Variants in CNTROB observed in about 807,000 individuals in gnomAD.
CNTROB encodes centrobin, centriole duplication and spindle assembly protein.
CNTROB carries 82 observed loss-of-function variants against 115.7 expected under a neutral mutation model. That is an observed-to-expected ratio of 0.71 (90% CI 0.59 to 0.85). The LOEUF is 0.85. CNTROB is among the 40% of genes least tolerant of loss of function. CNTROB has a pLI of 0.00. For synonymous variants in CNTROB, 439 were observed against 456.4 expected (o/e 0.96, Z 0.49); for missense variants, 1,014 against 1,144.4 (o/e 0.89, Z 1.64).
At chr17:7,934,344 G>C in intron 2 of CNTROB, 121 bp from the exon 3 acceptor site, 2 of 1,330,324 alleles carry the variant, frequency 1.5e-6, no homozygotes, top group Middle Eastern at 3.7e-4. Flanking sequence ...AAAGTCTCCC[G>C]TTCTTTGGGA....
Position 7,939,583 on chromosome 17 carries a change from A to T in CNTROB, c.998A>T (p.Glu333Val). The change falls in exon 8 of 19, where the codon GAG (glutamate) becomes GTG (valine). Residue 333 changes from glutamate to valine, a missense_variant. Transcript: ENST00000563694. This position sits in a 1 kb window ranked among gnomAD's most constrained non-coding sequence, Gnocchi z 4.4. ...CAGCGGTGCTGTGTCCTGCAGGAAG[A>T]GCGGGATGCAGCTCGGGCTGGGCAA... ...EQQRCCVLQEERDAARAGQLS... is the reference protein window; with the variant it reads ...EQQRCCVLQEVRDAARAGQLS... The T allele has an allele frequency of 4.3e-6, 7 of 1,614,114 alleles. No homozygotes were observed. Among genetic ancestry groups the T allele is most frequent in the Non-Finnish European group, 5.1e-6 (6 of 1,180,010 alleles).
At chr17:7,936,011 A>G (rs1468169262) in intron 4 of CNTROB, 1 of 214,992 alleles carries the variant, frequency 4.7e-6, no homozygotes, top group Non-Finnish European at 9.4e-6. Flanking sequence ...TGCTGTGTTT[A>G]TTCATTGTGT....
chr17:7,949,615 G>A lies in CNTROB; in HGVS notation c.*105G>A. 7.5e-6 allele frequency: 9 copies of A among 1,194,276 alleles called. No homozygotes were observed. Among genetic ancestry groups the A allele is most frequent in the African/African-American group, 1.6e-5 (1 of 64,428 alleles). The allele number at this position is 1,194,276 out of a possible 1,614,324, so 74.0% of individuals were successfully genotyped here. On this transcript the variant is annotated 3_prime_UTR_variant, in exon 19 of 19. Transcript: ENST00000563694. ...GGCTCATAGGAATTTGGAAAATAGA[G>A]GTTTTGTAGGGAATCACTTCGTAAA...
At chr17:7,938,230 C>T (rs1414172910) in intron 7 of CNTROB, among the ~76,000 whole-genome samples, 1 of 152,112 alleles carries the variant, frequency 6.6e-6, no homozygotes, top group Non-Finnish European at 1.5e-5. Context: ...GTCTCAAACT[C>T]CTGACCTCAA....
At chr17:7,937,097 T>G in intron 6 of CNTROB, 67 bp from the exon 7 acceptor site, 1 of 1,590,088 alleles carries the variant, frequency 6.3e-7, no homozygotes, top group Non-Finnish European at 8.6e-7. Flanking sequence ...TTGTCAATGC[T>G]TTATAAAATA....
chr17:7,948,771 T>G lies in CNTROB; in HGVS notation c.2513+152T>G. On this transcript the variant is annotated intron_variant, in intron 17 of 18. Coordinates refer to ENST00000563694, the MANE Select transcript of CNTROB (RefSeq NM_053051.5). This position sits in a 1 kb window ranked among gnomAD's most constrained non-coding sequence, Gnocchi z 4.4. ...GGTGGATCCACAGATCTTCTCTAAC[T>G]GCCCCACACTTTTCTTTTATCTCCT... 1 of 1,564,506 alleles carries G rather than the reference T, an allele frequency of 6.4e-7. No homozygotes were observed. Among genetic ancestry groups the G allele is most frequent in the Non-Finnish European group, 8.7e-7 (1 of 1,151,832 alleles).
At position 7,943,733 on chromosome 17, in the gene CNTROB, A is replaced by G. The variant is rs182025685; in HGVS notation, c.1445+209A>G. 2.9e-5 allele frequency: 17 copies of G among 578,400 alleles called. No homozygotes were observed. Among genetic ancestry groups the G allele is most frequent in the Admixed American group, 2.2e-4 (7 of 31,778 alleles). 35.8% of individuals were successfully genotyped at this position (578,400 alleles called of 1,614,324 possible). On this transcript the variant is annotated intron_variant, in intron 10 of 18. Coordinates refer to ENST00000563694, the MANE Select transcript of CNTROB (RefSeq NM_053051.5). This position sits in a 1 kb window ranked among gnomAD's most constrained non-coding sequence, Gnocchi z 4.7. ...AGAAGTGCCTGGGAATTTTCATCCC[A>G]TAGGGAGTAGCCCTTAACCAAGAAC...
chr17:7,946,255 G>A (rs1201662377), intron 13 of CNTROB, among the ~76,000 whole-genome samples: 2 of 152,184 alleles, frequency 1.3e-5, no homozygotes, highest in Non-Finnish European at 2.9e-5. Context: ...CCTTTTCTGT[G>A]GGCCTGCATA....
chr17:7,948,518 G>A lies in CNTROB; in HGVS notation c.2412G>A (p.Leu804=). The A allele has an allele frequency of 6.2e-7, 1 of 1,614,128 alleles. No individual in the cohort carries two copies. Among genetic ancestry groups the A allele is most frequent in the Non-Finnish European group, 8.5e-7 (1 of 1,180,006 alleles). The part of the protein sequence containing the change: ...GGDGLTFPRQ[L]MEVSQLLRLY... ...ATGGGCTTACATTCCCAAGGCAGCTGATGGAGGTGTCTCAACTGTTGCGAC... is the reference window on the plus strand; with the variant it reads ...ATGGGCTTACATTCCCAAGGCAGCTAATGGAGGTGTCTCAACTGTTGCGAC... The change falls in exon 17 of 19, where the codon CTG becomes CTA. Residue 804 remains leucine, a synonymous_variant. Transcript: ENST00000563694. The surrounding 1 kb of genome is among the most constrained non-coding windows in gnomAD (Gnocchi z 4.4).
In CNTROB at chr17:7,944,676, T is replaced by G. The variant is rs1165550105; in HGVS notation, c.1734+38T>G. On this transcript the variant is annotated intron_variant, in intron 12 of 18. Transcript: ENST00000563694. The surrounding 1 kb of genome is among the most constrained non-coding windows in gnomAD (Gnocchi z 4.0). Reference sequence around the variant, plus strand: ...CCTTGAGCTAAGCTTCTCCGTTATGTTCTATTTTTATTTTTATTTTTGAGA... The same window carrying G: ...CCTTGAGCTAAGCTTCTCCGTTATGGTCTATTTTTATTTTTATTTTTGAGA... 1 of 1,568,230 alleles carries G rather than the reference T, an allele frequency of 6.4e-7. No homozygotes were observed. The highest frequency in any genetic ancestry group is 8.7e-7 in the Non-Finnish European group (1 of 1,155,768).
chr17:7,947,607 A>G lies in CNTROB; in HGVS notation c.2030A>G (p.Asp677Gly), dbSNP rs748117352. 3.1e-6 allele frequency: 5 copies of G among 1,612,974 alleles called. No individual in the cohort carries two copies. Among genetic ancestry groups the G allele is most frequent in the Non-Finnish European group, 4.2e-6 (5 of 1,179,190 alleles). ...TCTGCACTTGGGGCCTTCCATCCCG[A>G]TCATAGGGCAGAAAGGCCATTCCCT... ...AFSALGAFHP[D>G]HRAERPFPEE... The change falls in exon 14 of 19, where the codon GAT becomes GGT. Residue 677 changes from aspartate (D) to glycine (G), a missense_variant. Physicochemically the swap from Asp to Gly is moderately conservative, Grantham distance 94. Coordinates refer to ENST00000563694, the MANE Select transcript of CNTROB (RefSeq NM_053051.5).
In CNTROB at chr17:7,944,378, G is replaced by A. The variant is rs763059977; in HGVS notation, c.1572-98G>A. On this transcript the variant is annotated intron_variant, in intron 11 of 18. Coordinates refer to ENST00000563694, the MANE Select transcript of CNTROB (RefSeq NM_053051.5). This position sits in a 1 kb window ranked among gnomAD's most constrained non-coding sequence, Gnocchi z 4.0. The stretch of plus-strand genomic sequence containing the variant: ...TCTACATGGGCCCCAGCTCCTTTCA[G>A]AATATCAGATGTCCAACATTTCCCT... 17 of 1,571,498 alleles carry A rather than the reference G, an allele frequency of 1.1e-5. No homozygotes were observed. Among genetic ancestry groups the A allele is most frequent in the Admixed American group, 1.7e-5 (1 of 58,590 alleles).
In CNTROB at chr17:7,937,187, C is replaced by A; in HGVS notation, c.852C>A (p.Ser284Arg). ...AGACAGTAACCCGCCTGGAACAAAG[C>A]CTTTCTGAGGCCATGGAGGCCCTGA... The part of the protein sequence containing the change: ...QQETVTRLEQ[S>R]LSEAMEALNR... Residue 284 changes from serine to arginine, a missense_variant, in exon 7 of 19, where the codon AGC (serine) becomes AGA (arginine). Ser to Arg is a moderately radical substitution (Grantham distance 110). Transcript: ENST00000563694. 1 of 1,614,158 alleles carries A rather than the reference C, an allele frequency of 6.2e-7. No individual in the cohort carries two copies. The highest frequency in any genetic ancestry group is 1.3e-5 in the African/African-American group (1 of 75,050).
chr17:7,939,969 A>T lies in CNTROB; in HGVS notation c.1165-127A>T. The T allele has an allele frequency of 8.2e-7, 1 of 1,220,980 alleles. No individual in the cohort carries two copies. Among genetic ancestry groups the T allele is most frequent in the Non-Finnish European group, 1.1e-6 (1 of 877,690 alleles). The allele number at this position is 1,220,980 out of a possible 1,614,324, so 75.6% of individuals were successfully genotyped here. On this transcript the variant is annotated intron_variant, in intron 8 of 18. Coordinates refer to ENST00000563694, the MANE Select transcript of CNTROB (RefSeq NM_053051.5). This position sits in a 1 kb window ranked among gnomAD's most constrained non-coding sequence, Gnocchi z 4.4. Reference sequence around the variant, plus strand: ...AGACTGAAATTCAACAGGGATGGGGAAATAAAACAAATGGGAGGAGCTGGG... The same window carrying T: ...AGACTGAAATTCAACAGGGATGGGGTAATAAAACAAATGGGAGGAGCTGGG...
In CNTROB at chr17:7,943,609, C is replaced by T. The variant is rs898627281; in HGVS notation, c.1445+85C>T. On this transcript the variant is annotated intron_variant, in intron 10 of 18. Transcript: ENST00000563694. This position sits in a 1 kb window ranked among gnomAD's most constrained non-coding sequence, Gnocchi z 4.7. ...GCCTGTGTTCCCTTCAATCCCTTTG[C>T]CATGGTCCAGCACTGTGACTCCCAG... The T allele has an allele frequency of 1.4e-6, 2 of 1,449,606 alleles. No homozygotes were observed. Among genetic ancestry groups the T allele is most frequent in the Non-Finnish European group, 1.9e-6 (2 of 1,067,010 alleles). The allele number at this position is 1,449,606 out of a possible 1,614,324, so 89.8% of individuals were successfully genotyped here.
rs1164270702 is a variant in CNTROB, at chr17:7,932,346, C to T, written c.-734C>T. 1 of 165,066 alleles carries T rather than the reference C, an allele frequency of 6.1e-6. No individual in the cohort carries two copies. Among genetic ancestry groups the T allele is most frequent in the Non-Finnish European group, 1.3e-5 (1 of 75,540 alleles). The allele number at this position is 165,066 out of a possible 1,614,324, so 10.2% of individuals were successfully genotyped here. ...TGGAAGGGTGGAGAGTAGGCGGAAC[C>T]AGGTGGTCGTCGGGGCAGAGGATCT... On this transcript the variant is annotated 5_prime_UTR_variant, in exon 1 of 19. Transcript: ENST00000563694.
At chr17:7,947,519 C>G in intron 13 of CNTROB, 52 bp from the exon 14 acceptor site, 2 of 1,496,110 alleles carry the variant, frequency 1.3e-6, no homozygotes, top group Non-Finnish European at 9.0e-7. Context: ...GTGGAGAAGC[C>G]CCTTCCCCCC....
chr17:7,935,224 C>G (rs774392393), intron 4 of CNTROB, 79 bp downstream of exon 4: 2 of 1,597,920 alleles, frequency 1.3e-6, no homozygotes, highest in Non-Finnish European at 1.7e-6. Context: ...GCTGAGGGGG[C>G]CTGGCGTGGT....
In CNTROB at chr17:7,947,731, G is replaced by C. The variant is rs748021501; in HGVS notation, c.2145+9G>C. 6.2e-7 allele frequency: 1 copy of C among 1,607,340 alleles called. No homozygotes were observed. ...AGAATTTTTTGCACCAGGTAAGAGA[G>C]ATTCCACCCAGACTAGCTCACTTTC... On this transcript the variant is annotated intron_variant, in intron 14 of 18. Transcript: ENST00000563694.
Sources: gnomAD v4.1 joint callset for allele counts (sites outside exome capture counted in the v4.1 genomes callset) on GRCh38, gnomAD v4.1.1 for gene constraint, Gnocchi (gnomAD v3.1) non-coding constraint, MANE v1.5 for transcripts, NCBI Gene and HGNC (gene_info 2026-07-23, HGNC 2026-07-21) for gene names.